The following C2 variants were observed in gnomAD, a reference collection of about 807,000 sequenced individuals.
C2 encodes the protein C3/C5 convertase.
A neutral mutation model predicts 85.2 loss-of-function variants in C2; 64 were observed. The ratio of observed to expected loss-of-function variants is 0.75; its 90% CI spans 0.61 to 0.92. The LOEUF (loss-of-function observed/expected upper bound fraction) is 0.92. C2 is among the 40% of genes least tolerant of loss of function. C2 has a pLI of 0.00. For missense variants in C2, 820 were observed against 971.6 expected, an observed-to-expected ratio of 0.84 and a Z score of 2.07; for synonymous variants, 311 against 370.8, an observed-to-expected ratio of 0.84 and a Z score of 1.85.
chr6:31,905,859 A>G (rs1767681048), intron 1 of C2, among the ~76,000 whole-genome samples: 1 of 152,084 alleles, frequency 6.6e-6, no homozygotes, highest in East Asian at 1.9e-4. Flanking sequence ...GAGAGAAGCT[A>G]GCTCACAGCT....
chr6:31,944,538 C>T lies in C2; in HGVS notation c.1903-189C>T, dbSNP rs976147340. On this transcript the variant is annotated intron_variant, in intron 15 of 17. Transcript: ENST00000299367. The surrounding 1 kb of genome is among the most constrained non-coding windows in gnomAD (Gnocchi z 5.1). ...CTGAGATTACAGGTGCCCACCACCACACCAGCTAATTTTTGTATTTTTAGT... is the reference window on the plus strand; with the variant it reads ...CTGAGATTACAGGTGCCCACCACCATACCAGCTAATTTTTGTATTTTTAGT... Among the ~76,000 whole-genome samples the T allele has an allele frequency of 5.9e-5, 9 of 152,186 alleles. No individual in the cohort carries two copies. The highest frequency in any genetic ancestry group is 1.2e-4 in the Non-Finnish European group (8 of 68,036).
chr6:31,927,459 T>A (rs1769342249), upstream of C2: 1 of 1,400,320 alleles, frequency 7.1e-7, no homozygotes, highest in African/African-American at 1.4e-5. The surrounding 1 kb of genome is among the most constrained non-coding windows in gnomAD (Gnocchi z 4.7). Context: ...GGTGCACATG[T>A]GCACGCATGG....
intron 9 of C2, among the ~76,000 whole-genome samples, chr6:31,942,215 G>T (rs1258422672): frequency 6.7e-6 from 1 of 149,520 alleles, no homozygotes. Context: ...CCGCCTCCTG[G>T]TGATTACAGG....
chr6:31,937,496 G>A, intron 8 of C2, 37 bp downstream of exon 8: 1 of 1,611,574 alleles, frequency 6.2e-7, no homozygotes, highest in Non-Finnish European at 8.5e-7. Flanking sequence ...CTGGAATAGT[G>A]GAAGGGGCAC....
chr6:31,929,757 C>T (rs1438923623), intron 3 of C2, among the ~76,000 whole-genome samples: 1 of 145,518 alleles, frequency 6.9e-6, no homozygotes, highest in African/African-American at 2.5e-5. Context: ...GCCTCGGTGC[C>T]TCACGCCTGT....
intron 1 of C2, among the ~76,000 whole-genome samples, chr6:31,906,263 A>G (rs547312272): frequency 1.3e-5 from 2 of 152,070 alleles, no homozygotes; most frequent in East Asian, 3.9e-4. Flanking sequence ...AAGTGCCTGC[A>G]CCACTCCCAT....
upstream of C2, chr6:31,899,536 A>AC (rs941082096): frequency 8.4e-5 from 5 of 59,830 alleles, no homozygotes; most frequent in African/African-American, 2.0e-4. Flanking sequence ...GTTCCCACCC[A>AC]CCCCCCAACC....
chr6:31,906,239 G>A (rs1264952832), intron 1 of C2, among the ~76,000 whole-genome samples: 1 of 151,984 alleles, frequency 6.6e-6, no homozygotes, highest in Non-Finnish European at 1.5e-5. Flanking sequence ...GGGGAAAGAA[G>A]CCATGTGAAA....
upstream of C2, among the ~76,000 whole-genome samples, chr6:31,898,109 CG>C (rs929963330): frequency 1.3e-5 from 2 of 152,174 alleles, no homozygotes; most frequent in Non-Finnish European, 2.9e-5. Flanking sequence ...CTCTTTCTAA[CG>C]AGCACGAAGG....
At position 31,933,645 on chromosome 6, in the gene C2, G is replaced by T. The variant is rs138195505; in HGVS notation, c.478G>T (p.Ala160Ser). The change falls in exon 4 of 18, where the codon GCA becomes TCA. Residue 160 changes from alanine to serine, a missense_variant. Transcript: ENST00000299367. ...HCPNPGISLG[A>S]VRTGFRFGHG... Reference sequence around the variant, plus strand: ...CCCCAACCCAGGCATTTCACTGGGCGCAGTGCGGACAGGCTTCCGCTTTGG... The same window carrying T: ...CCCCAACCCAGGCATTTCACTGGGCTCAGTGCGGACAGGCTTCCGCTTTGG... 2.2e-5 allele frequency: 36 copies of T among 1,612,978 alleles called. No individual in the cohort carries two copies. The highest frequency in any genetic ancestry group is 2.7e-5 in the Non-Finnish European group (32 of 1,180,042).
chr6:31,931,624 T>C (rs1769758171), intron 3 of C2, among the ~76,000 whole-genome samples: 1 of 152,130 alleles, frequency 6.6e-6, no homozygotes, highest in East Asian at 1.9e-4. Flanking sequence ...AGAATTTTTC[T>C]TAGTACAGAA....
upstream of C2, among the ~76,000 whole-genome samples, chr6:31,926,834 T>C (rs2151737764): frequency 6.6e-6 from 1 of 152,288 alleles, no homozygotes; most frequent in Non-Finnish European, 1.5e-5. Flanking sequence ...TTGGTCTTAT[T>C]TATTTTTACC....
Position 31,944,068 on chromosome 6 carries a change from C to T in C2, c.1811-67C>T. On this transcript the variant is annotated intron_variant, in intron 14 of 17. Transcript: ENST00000299367. The surrounding 1 kb of genome is among the most constrained non-coding windows in gnomAD (Gnocchi z 5.1). ...GTGATAACAAGGACTAGGCTGCAGT[C>T]CCCAAGCCAGGAACCTGGATTCTGG... 6.3e-7 allele frequency: 1 copy of T among 1,590,064 alleles called. No individual in the cohort carries two copies.
In C2 at chr6:31,945,000, T is replaced by C. The variant is rs1460563821; in HGVS notation, c.2050T>C (p.Phe684Leu). 8.7e-6 allele frequency: 14 copies of C among 1,612,966 alleles called. No homozygotes were observed. ...GGCAGGAGAATCTGGGGGAGCAGTT[T>C]TCCTTGAGCGGAGATTCAGGTTTTT... The part of the protein sequence containing the change: ...PCKGESGGAV[F>L]LERRFRFFQV... The change falls in exon 17 of 18, where the codon TTC becomes CTC. Residue 684 changes from phenylalanine to leucine, a missense_variant. By Grantham distance (22) the Phe-to-Leu change is conservative (BLOSUM62 0). Coordinates refer to ENST00000299367, the MANE Select transcript of C2 (RefSeq NM_000063.6). The surrounding 1 kb of genome is among the most constrained non-coding windows in gnomAD (Gnocchi z 5.1).
chr6:31,907,168 T>G (rs1452301205), intron 1 of C2, among the ~76,000 whole-genome samples: 1 of 151,126 alleles, frequency 6.6e-6, no homozygotes, highest in African/African-American at 2.4e-5. Flanking sequence ...AATAAAAGCA[T>G]TAGAGTTTGT....
Position 31,932,574 on chromosome 6 carries a change from C to T in C2, c.443-1036C>T, listed in dbSNP as rs1308343414. On this transcript the variant is annotated intron_variant, in intron 3 of 17. Transcript: ENST00000299367. ...AGATGTGATGGCGGCCGGGAAGAGG[C>T]GCTCCTCACTTCCTAGATGGGATGG... 3.1e-5 allele frequency: 5 copies of T among 163,236 alleles called. No individual in the cohort carries two copies. The South Asian group carries it at 4.1e-4, about 13-fold the overall frequency. The allele number at this position is 163,236 out of a possible 1,614,324, so 10.1% of individuals were successfully genotyped here.
chr6:31,935,048 G>A lies in C2; in HGVS notation c.849+749G>A. 2 of 938,320 alleles carry A rather than the reference G, an allele frequency of 2.1e-6. No homozygotes were observed. Among genetic ancestry groups the A allele is most frequent in the Non-Finnish European group, 2.5e-6 (2 of 787,206 alleles). The allele number at this position is 938,320 out of a possible 1,614,324, so 58.1% of individuals were successfully genotyped here. A position where few individuals can be genotyped will look rare whatever the true frequency, so the allele number is the denominator to read the frequency against. On this transcript the variant is annotated intron_variant, in intron 6 of 17. Transcript: ENST00000299367. The surrounding 1 kb of genome is among the most constrained non-coding windows in gnomAD (Gnocchi z 4.3). ...AATAAAATAAAATAAAATAAAATATGTGTGATAGAAGTTTGGAAGCCACTG... is the reference window on the plus strand; with the variant it reads ...AATAAAATAAAATAAAATAAAATATATGTGATAGAAGTTTGGAAGCCACTG...
At chr6:31,926,197 G>T (rs1167658253), upstream of C2, among the ~76,000 whole-genome samples, 13 of 152,286 alleles carry the variant, frequency 8.5e-5, no homozygotes, top group African/African-American at 2.6e-4. Flanking sequence ...TACTGTGGAA[G>T]GAGGGAGAAA....
intron 1 of C2, among the ~76,000 whole-genome samples, chr6:31,913,801 G>A (rs534916988): frequency 6.6e-5 from 10 of 151,860 alleles, no homozygotes; most frequent in East Asian, 1.9e-4. Flanking sequence ...CACCACACCC[G>A]GCTAATTTTT....
Sources: allele counts gnomAD v4.1 joint callset (sites outside exome capture counted in the v4.1 genomes callset), GRCh38; gene constraint gnomAD v4.1.1; non-coding constraint Gnocchi (gnomAD v3.1); transcripts MANE v1.5; gene names NCBI Gene and HGNC (gene_info 2026-07-23, HGNC 2026-07-21).